The following CHD2 variants were observed in gnomAD, a reference collection of about 807,000 sequenced individuals.
CHD2 encodes ATP-dependent chromatin remodeler CHD2.
CHD2 carries 28 observed loss-of-function variants against 243.9 expected under a neutral mutation model. That is an observed-to-expected ratio of 0.11 (90% CI 0.09 to 0.16). The LOEUF (loss-of-function observed/expected upper bound fraction) is 0.16. Among genes scored for constraint, CHD2 ranks in the 10% least tolerant of loss-of-function variants. The pLI is 1.00. For missense variants in CHD2, 1,386 were observed against 2,209.8 expected (o/e 0.63, Z 7.47); for synonymous variants, 775 against 779.0 (o/e 0.99, Z 0.09).
intron 37 of CHD2, among the ~76,000 whole-genome samples, chr15:93,019,803 G>A (rs541991909): frequency 4.6e-4 from 70 of 152,036 alleles, no homozygotes; most frequent in Non-Finnish European, 8.4e-4. Context: ...GCATGGTGGC[G>A]GGTGCCTGTA....
At chr15:92,907,712 A>G (rs1299781582) in intron 2 of CHD2, among the ~76,000 whole-genome samples, 2 of 152,232 alleles carry the variant, frequency 1.3e-5, no homozygotes, top group African/African-American at 4.8e-5. Context: ...TATAGTGCCC[A>G]TAAAATGCTT....
At chr15:92,955,063 G>A (rs1490184512) in intron 14 of CHD2, among the ~76,000 whole-genome samples, 1 of 152,140 alleles carries the variant, frequency 6.6e-6, no homozygotes, top group Non-Finnish European at 1.5e-5. Flanking sequence ...TATTCAAAAA[G>A]TAAATAAATT....
At chr15:92,945,991 T>C (rs1412506612) in intron 11 of CHD2, 47 bp from the exon 12 acceptor site, 1 of 1,523,174 alleles carries the variant, frequency 6.6e-7, no homozygotes, top group Non-Finnish European at 8.9e-7. Context: ...CATTTTTCAC[T>C]TTTAATTGAC....
intron 2 of CHD2, among the ~76,000 whole-genome samples, chr15:92,906,882 A>G (rs1015622252): frequency 6.6e-6 from 1 of 152,102 alleles, no homozygotes; most frequent in African/African-American, 2.4e-5. Flanking sequence ...TCCCTCCTGC[A>G]CTTCAGCTTG....
At position 93,012,850 on chromosome 15, in the gene CHD2, T is replaced by C. The variant is rs952791988; in HGVS notation, c.4692+406T>C. Among the ~76,000 whole-genome samples the C allele has an allele frequency of 2.6e-5, 4 of 152,198 alleles. No individual in the cohort carries two copies. In the East Asian group the frequency reaches 5.8e-4, roughly 22 times the overall value. On this transcript the variant is annotated intron_variant, in intron 36 of 38. Coordinates refer to ENST00000394196, the MANE Select transcript of CHD2 (RefSeq NM_001271.4). ...GTATGGAAGGGGTCCTGCTACTCAC[T>C]TGTGAGAGGTGCTCAGAAGTTGCCT...
chr15:92,952,668 T>C (rs1596404519), intron 13 of CHD2, among the ~76,000 whole-genome samples: 2 of 152,192 alleles, frequency 1.3e-5, no homozygotes, highest in East Asian at 3.8e-4. Flanking sequence ...ATATGAAGCT[T>C]CCCTCCCTCA....
intron 17 of CHD2, among the ~76,000 whole-genome samples, chr15:92,970,071 C>G (rs2053821103): frequency 6.6e-6 from 1 of 151,956 alleles, no homozygotes; most frequent in Non-Finnish European, 1.5e-5. Flanking sequence ...TTAGGGATTG[C>G]TTTAATTTTG....
chr15:92,941,245 G>C (rs1292352218), intron 7 of CHD2, among the ~76,000 whole-genome samples: 1 of 151,736 alleles, frequency 6.6e-6, no homozygotes, highest in Non-Finnish European at 1.5e-5. Context: ...ACCTGTGTCA[G>C]CCTCCCAAAG....
chr15:92,937,874 G>T (rs2053292016), intron 6 of CHD2, among the ~76,000 whole-genome samples: 1 of 152,190 alleles, frequency 6.6e-6, no homozygotes, highest in South Asian at 2.1e-4. Flanking sequence ...TTTGGCCAGG[G>T]TACAGTCTCT....
intron 13 of CHD2, 66 bp from the exon 14 acceptor site, chr15:92,953,291 T>A: frequency 7.5e-7 from 1 of 1,331,932 alleles, no homozygotes; most frequent in Non-Finnish European, 1.1e-6. Context: ...CGTTGCTGTT[T>A]ATGCACATTC....
chr15:93,023,114 TC>T (rs2054552411), intron 38 of CHD2, among the ~76,000 whole-genome samples: 1 of 152,220 alleles, frequency 6.6e-6, no homozygotes, highest in Admixed American at 6.5e-5. Context: ...AGCCACCACT[TC>T]TATCTAGTTC....
intron 32 of CHD2, among the ~76,000 whole-genome samples, chr15:93,001,917 A>G (rs2054261950): frequency 6.6e-6 from 1 of 152,220 alleles, no homozygotes; most frequent in Non-Finnish European, 1.5e-5. Context: ...CCGTGAAATG[A>G]GAATAATAAA....
chr15:92,995,523 C>A (rs1276538512), intron 28 of CHD2, among the ~76,000 whole-genome samples: 1 of 152,114 alleles, frequency 6.6e-6, no homozygotes, highest in Admixed American at 6.5e-5. Context: ...CAGAAGAGAA[C>A]ATACTCTTTT....
Position 92,902,214 on chromosome 15 carries a change from ACT to A in CHD2, c.62+916_62+917del, listed in dbSNP as rs200337426. The A allele has an allele frequency of 6.3e-5, 25 of 397,966 alleles. No homozygotes were observed. The East Asian group carries it at 8.2e-4, about 13-fold the overall frequency. 24.7% of individuals were successfully genotyped at this position (397,966 alleles called of 1,614,324 possible). On this transcript the variant is annotated intron_variant, in intron 2 of 38. Transcript: ENST00000394196. ...TTTATCTTCTGAAGCTTAAAAATGT[ACT>A]GTTTGTGCAAATCATGATCTGTTTC...
At chr15:92,951,979 GTTCT>G (rs1478573505) in intron 13 of CHD2, among the ~76,000 whole-genome samples, 1 of 152,060 alleles carries the variant, frequency 6.6e-6, no homozygotes. Flanking sequence ...ATTACTTTTA[GTTCT>G]TTCTGATTTG....
At chr15:92,910,517 C>T (rs143835085) in intron 2 of CHD2, among the ~76,000 whole-genome samples, 13 of 152,058 alleles carry the variant, frequency 8.5e-5, no homozygotes, top group African/African-American at 2.2e-4. Context: ...ATCAGCCTCC[C>T]GAGTGGTTGG....
intron 2 of CHD2, among the ~76,000 whole-genome samples, chr15:92,907,753 A>G (rs1217727026): frequency 2.6e-5 from 4 of 152,192 alleles, no homozygotes; most frequent in African/African-American, 9.7e-5. Context: ...AAAAGTGCTC[A>G]ATAAATGTAA....
chr15:92,956,663 T>A lies in CHD2; in HGVS notation c.2000+14T>A. The A allele has an allele frequency of 6.3e-7, 1 of 1,594,648 alleles. No homozygotes were observed. The highest frequency in any genetic ancestry group is 8.5e-7 in the Non-Finnish European group (1 of 1,173,848). On this transcript the variant is annotated intron_variant, in intron 16 of 38. Transcript: ENST00000394196. Reference sequence around the variant, plus strand: ...TATGCCGGAGAAGTAAGCTCCTTCCTGTGTATTTCAAAAGATGCTAGAATG... The same window carrying A: ...TATGCCGGAGAAGTAAGCTCCTTCCAGTGTATTTCAAAAGATGCTAGAATG...
chr15:93,009,473 C>A, intron 35 of CHD2, 150 bp downstream of exon 35: 1 of 701,050 alleles, frequency 1.4e-6, no homozygotes, highest in Non-Finnish European at 2.3e-6. Flanking sequence ...GGCTTTAACT[C>A]CCTTTCCATG....
Sources: allele counts gnomAD v4.1 joint callset (sites outside exome capture counted in the v4.1 genomes callset), GRCh38; gene constraint gnomAD v4.1.1; transcripts MANE v1.5; gene names NCBI Gene and HGNC (gene_info 2026-07-23, HGNC 2026-07-21).